NOX4: variants seen among roughly 807,000 people sequenced by gnomAD.
NOX4 encodes the protein kidney oxidase-1.
A neutral mutation model predicts 87.6 loss-of-function variants in NOX4; 69 were observed. The observed-to-expected ratio is 0.79, with a 90% CI of 0.65 to 0.96. The LOEUF is 0.96. NOX4 is among the 40% of genes least tolerant of loss of function. NOX4 has a pLI of 0.00. For synonymous variants in NOX4, 275 were observed against 238.2 expected, an observed-to-expected ratio of 1.15 and a Z score of -1.42; for missense variants, 680 against 681.5, an observed-to-expected ratio of 1.00 and a Z score of 0.02.
chr11:89,406,341 T>A (rs1352961922), intron 8 of NOX4, among the ~76,000 whole-genome samples: 1 of 152,068 alleles, frequency 6.6e-6, no homozygotes, highest in Non-Finnish European at 1.5e-5. Flanking sequence ...TTTTATGGTG[T>A]TTTAAATTCC....
At chr11:89,345,237 C>T (rs1020076587) in intron 13 of NOX4, among the ~76,000 whole-genome samples, 4 of 152,138 alleles carry the variant, frequency 2.6e-5, no homozygotes, top group Non-Finnish European at 5.9e-5. Context: ...ACCATTCCCC[C>T]AGGAGCTACT....
At chr11:89,480,082 G>T (rs1196073962) in intron 2 of NOX4, among the ~76,000 whole-genome samples, 1 of 152,128 alleles carries the variant, frequency 6.6e-6, no homozygotes, top group Non-Finnish European at 1.5e-5. Context: ...AAAACAATCT[G>T]CATGTAACTG....
chr11:89,494,422 C>T (rs182292011), upstream of NOX4, among the ~76,000 whole-genome samples: 50 of 152,274 alleles, frequency 3.3e-4, 1 homozygote, highest in African/African-American at 3.6e-4. Context: ...ATAATCATTA[C>T]TGCATTTTCC....
chr11:89,586,482 C>T, the NOX4 span, among the ~76,000 whole-genome samples: 4 of 152,062 alleles, frequency 2.6e-5, no homozygotes, highest in African/African-American at 7.2e-5. Context: ...TATAGGCCTG[C>T]CAAACACTAA....
At chr11:89,524,558 T>C in the NOX4 span, among the ~76,000 whole-genome samples, 3 of 152,124 alleles carry the variant, frequency 2.0e-5, no homozygotes, top group Non-Finnish European at 4.4e-5. Flanking sequence ...AATTATCATA[T>C]TGAGGTTCAC....
intron 5 of NOX4, among the ~76,000 whole-genome samples, chr11:89,440,939 A>G (rs1944428792): frequency 6.6e-6 from 1 of 152,198 alleles, no homozygotes; most frequent in Non-Finnish European, 1.5e-5. Flanking sequence ...CATCTGAGGC[A>G]AAATACTGGA....
At chr11:89,587,576 G>A in the NOX4 span, among the ~76,000 whole-genome samples, 20 of 152,030 alleles carry the variant, frequency 1.3e-4, no homozygotes, top group Non-Finnish European at 2.6e-4. Context: ...AATTGTAAGA[G>A]GGAGTGGAAA....
intron 12 of NOX4, among the ~76,000 whole-genome samples, chr11:89,356,137 A>G (rs539207401): frequency 3.3e-4 from 51 of 152,268 alleles, no homozygotes; most frequent in Non-Finnish European, 6.2e-4. Flanking sequence ...AAATAAAGCA[A>G]ACCAATTAAA....
At chr11:89,515,402 T>C in the NOX4 span, among the ~76,000 whole-genome samples, 7 of 151,874 alleles carry the variant, frequency 4.6e-5, no homozygotes, top group East Asian at 1.4e-3. Context: ...TTCTCCTCTT[T>C]ATTGCTTTGG....
rs199643540 is a variant in NOX4 at position 89,486,704 on chromosome 11, G to A, written c.153+3754C>T. ...TATATATGTGTATATATACATATAT[G>A]TGTGTATATATGTGTATATATATGT... On this transcript the variant is annotated intron_variant, in intron 2 of 17. Transcript: ENST00000263317. 6.4e-5 allele frequency among the ~76,000 whole-genome samples: 7 copies of A among 109,430 alleles called. 3 individuals are homozygous for A. The South Asian group carries it at 2.3e-3, about 36-fold the overall frequency. 71.8% of individuals were successfully genotyped at this position (109,430 alleles called of 152,430 possible). A position where few individuals can be genotyped will look rare whatever the true frequency, so the allele number is the denominator to read the frequency against.
chr11:89,587,611 G>A, the NOX4 span, among the ~76,000 whole-genome samples: 1 of 152,074 alleles, frequency 6.6e-6, no homozygotes, highest in Non-Finnish European at 1.5e-5. Flanking sequence ...TCTCAAACAG[G>A]CCATAAACCA....
intron 6 of NOX4, 149 bp from the exon 7 acceptor site, chr11:89,433,005 A>T (rs1393414584): frequency 1.7e-6 from 1 of 596,198 alleles, no homozygotes; most frequent in African/African-American, 1.9e-5. Context: ...CCCTCAAACA[A>T]GCCCTTTACT....
the NOX4 span, among the ~76,000 whole-genome samples, chr11:89,511,463 C>A: frequency 2.0e-5 from 3 of 151,878 alleles, no homozygotes; most frequent in South Asian, 2.1e-4. Context: ...AGATTAACAT[C>A]TTTAGATTCC....
At chr11:89,465,115 T>A (rs1448105867) in intron 2 of NOX4, among the ~76,000 whole-genome samples, 2 of 152,122 alleles carry the variant, frequency 1.3e-5, no homozygotes, top group Non-Finnish European at 2.9e-5. Context: ...CATTAGGTAT[T>A]TCTCCTAATG....
rs1251965055 is a variant in NOX4, at chr11:89,399,443, AT to A, written c.1074+573del. Among the ~76,000 whole-genome samples the A allele has an allele frequency of 1.3e-3, 129 of 96,144 alleles. 1 individual carries two copies. The Middle Eastern group carries it at 0.035, about 26-fold the overall frequency. 63.1% of individuals were successfully genotyped at this position (96,144 alleles called of 152,430 possible). A position where few individuals can be genotyped will look rare whatever the true frequency, so the allele number is the denominator to read the frequency against. On this transcript the variant is annotated intron_variant, in intron 11 of 17. Transcript: ENST00000263317. ...TATTCAAGAAATTAAATATATATAT[AT>A]ATATATATATATATATATATATATA...
chr11:89,558,419 C>T, the NOX4 span, among the ~76,000 whole-genome samples: 2 of 151,884 alleles, frequency 1.3e-5, no homozygotes, highest in Admixed American at 1.3e-4. Context: ...ACCATTTGGC[C>T]ATGCTTGATA....
chr11:89,388,831 T>A (rs1940909737), intron 11 of NOX4, among the ~76,000 whole-genome samples: 1 of 152,170 alleles, frequency 6.6e-6, no homozygotes, highest in Admixed American at 6.6e-5. Context: ...AGTCACTATC[T>A]GAAACAACCA....
intron 6 of NOX4, among the ~76,000 whole-genome samples, chr11:89,436,213 G>A (rs1944074845): frequency 1.3e-5 from 2 of 152,140 alleles, no homozygotes; most frequent in Non-Finnish European, 2.9e-5. Context: ...AGTTAAGCAG[G>A]AAATTGCAAC....
intron 11 of NOX4, among the ~76,000 whole-genome samples, chr11:89,386,447 G>C (rs1419315208): frequency 1.3e-5 from 2 of 152,054 alleles, no homozygotes; most frequent in Non-Finnish European, 2.9e-5. Flanking sequence ...TTTGCTGACA[G>C]GGTACCCTCC....
Sources: allele counts gnomAD v4.1 joint callset (sites outside exome capture counted in the v4.1 genomes callset), GRCh38; gene constraint gnomAD v4.1.1; transcripts MANE v1.5; gene names NCBI Gene and HGNC (gene_info 2026-07-23, HGNC 2026-07-21).